Variants in IMMP2L observed in about 807,000 individuals in gnomAD.
IMMP2L encodes inner mitochondrial membrane peptidase subunit 2, also known as mitochondrial inner membrane protease subunit 2.
A neutral mutation model predicts 19.3 loss-of-function variants in IMMP2L; 18 were observed. That is an observed-to-expected ratio of 0.93 (90% CI 0.64 to 1.38). The LOEUF is 1.38. Ranked by LOEUF, IMMP2L falls within the 40% of genes most tolerant of loss-of-function variation. The probability of loss-of-function intolerance (pLI) is 0.00; values close to 1 mark genes in which losing one functional copy is unlikely to be tolerated. For synonymous variants in IMMP2L, 76 were observed against 73.0 expected, an observed-to-expected ratio of 1.04 and a Z score of -0.21; for missense variants, 233 against 218.2, an observed-to-expected ratio of 1.07 and a Z score of -0.43.
intron 3 of IMMP2L, among the ~76,000 whole-genome samples, chr7:111,139,908 C>A (rs1802710581): frequency 6.6e-6 from 1 of 152,106 alleles, no homozygotes; most frequent in African/African-American, 2.4e-5. Flanking sequence ...TGGCAACACT[C>A]TTCAAAAACT....
chr7:111,466,778 A>G (rs928842579), intron 3 of IMMP2L, among the ~76,000 whole-genome samples: 17 of 152,176 alleles, frequency 1.1e-4, no homozygotes, highest in African/African-American at 3.9e-4. Context: ...CTAAACATGT[A>G]CAGACATTTT....
intron 5 of IMMP2L, among the ~76,000 whole-genome samples, chr7:110,871,262 G>A (rs926417201): frequency 2.0e-5 from 3 of 152,196 alleles, no homozygotes; most frequent in African/African-American, 7.2e-5. Context: ...ATCCAAGTGT[G>A]ATACCATCTG....
At chr7:111,458,634 A>T (rs996580330) in intron 3 of IMMP2L, among the ~76,000 whole-genome samples, 1 of 151,618 alleles carries the variant, frequency 6.6e-6, no homozygotes, top group African/African-American at 2.4e-5. Flanking sequence ...TCTTTCTGTC[A>T]CTCTCTTCAA....
intron 3 of IMMP2L, among the ~76,000 whole-genome samples, chr7:111,033,470 T>G (rs1296063633): frequency 6.6e-6 from 1 of 152,210 alleles, no homozygotes; most frequent in African/African-American, 2.4e-5. Flanking sequence ...GTGCTCCTTG[T>G]TATTTATTCA....
Position 110,748,203 on chromosome 7 carries a change from C to A in IMMP2L, c.409-84482G>T, listed in dbSNP as rs560224964. Among the ~76,000 whole-genome samples, 5 of 152,154 alleles carry A rather than the reference C, an allele frequency of 3.3e-5. No individual in the cohort carries two copies. The South Asian group carries it at 8.3e-4, about 25-fold the overall frequency. On this transcript the variant is annotated intron_variant, in intron 5 of 5. Transcript: ENST00000405709. ...CCCAACTTATAATGGATGTGAAGGACCTCTTCAAGGAGAACTATAAACCAC... is the reference window on the plus strand; with the variant it reads ...CCCAACTTATAATGGATGTGAAGGAACTCTTCAAGGAGAACTATAAACCAC...
chr7:111,062,317 T>C (rs944614381), intron 3 of IMMP2L, among the ~76,000 whole-genome samples: 1 of 151,968 alleles, frequency 6.6e-6, no homozygotes, highest in Non-Finnish European at 1.5e-5. Flanking sequence ...ATTTCATGAG[T>C]CTCATTCATT....
chr7:110,848,941 G>A (rs775120342), intron 5 of IMMP2L, among the ~76,000 whole-genome samples: 1 of 152,076 alleles, frequency 6.6e-6, no homozygotes, highest in Non-Finnish European at 1.5e-5. Context: ...AAAAGTCAGA[G>A]CACAGGGATT....
chr7:111,115,753 C>T (rs1241789785), intron 3 of IMMP2L, among the ~76,000 whole-genome samples: 2 of 152,066 alleles, frequency 1.3e-5, no homozygotes, highest in East Asian at 1.9e-4. Flanking sequence ...CTGCAGCCAC[C>T]GCCTCCCAGG....
At chr7:111,218,429 C>T (rs1378423391) in intron 3 of IMMP2L, among the ~76,000 whole-genome samples, 1 of 151,100 alleles carries the variant, frequency 6.6e-6, no homozygotes, top group Non-Finnish European at 1.5e-5. Flanking sequence ...CAAGTGGAAA[C>T]TTTCACCATA....
At chr7:111,040,164 T>C (rs1206165022) in intron 3 of IMMP2L, among the ~76,000 whole-genome samples, 1 of 151,898 alleles carries the variant, frequency 6.6e-6, no homozygotes, top group Non-Finnish European at 1.5e-5. Flanking sequence ...ACCAAAACTC[T>C]GTCTCAAAAA....
At chr7:110,695,407 G>C (rs1793811827) in intron 5 of IMMP2L, among the ~76,000 whole-genome samples, 1 of 152,000 alleles carries the variant, frequency 6.6e-6, no homozygotes, top group African/African-American at 2.4e-5. Flanking sequence ...TCCCAGGCTA[G>C]TCTCGGACTC....
chr7:110,815,316 C>T (rs982199688), intron 5 of IMMP2L, among the ~76,000 whole-genome samples: 12 of 151,984 alleles, frequency 7.9e-5, no homozygotes, highest in African/African-American at 2.9e-4. Context: ...GGGATGAAGC[C>T]CACTTGATCA....
intron 3 of IMMP2L, among the ~76,000 whole-genome samples, chr7:111,128,277 A>T: frequency 6.6e-6 from 1 of 152,180 alleles, no homozygotes; most frequent in East Asian, 1.9e-4. Context: ...CTACTAGATT[A>T]TATTCTGGTT....
intron 5 of IMMP2L, among the ~76,000 whole-genome samples, chr7:110,875,821 T>C (rs191879782): frequency 7.2e-5 from 11 of 152,300 alleles, no homozygotes; most frequent in Non-Finnish European, 1.0e-4. Context: ...TTAATGACTA[T>C]TATTTTTATG....
intron 3 of IMMP2L, among the ~76,000 whole-genome samples, chr7:111,381,156 T>G (rs976579441): frequency 2.6e-5 from 4 of 151,910 alleles, no homozygotes; most frequent in African/African-American, 9.7e-5. Context: ...ATTAGTAGGG[T>G]GCAAAGTACA....
At chr7:110,910,781 G>C (rs1043338397) in intron 4 of IMMP2L, among the ~76,000 whole-genome samples, 1 of 152,110 alleles carries the variant, frequency 6.6e-6, no homozygotes, top group Non-Finnish European at 1.5e-5. Flanking sequence ...TGTGAGACCT[G>C]ATAATTCTCT....
At chr7:111,124,056 TC>T in intron 3 of IMMP2L, 1 of 1,614,066 alleles carries the variant, frequency 6.2e-7, no homozygotes, top group Non-Finnish European at 8.5e-7. Flanking sequence ...CTGAGAGCTT[TC>T]CTTCTAATCT....
chr7:111,099,380 A>G (rs866006566), intron 3 of IMMP2L, among the ~76,000 whole-genome samples: 8 of 151,764 alleles, frequency 5.3e-5, no homozygotes, highest in African/African-American at 9.7e-5. Context: ...AAATTCATCA[A>G]TCTTCTTCAG....
At chr7:111,482,266 A>ATTATGT (rs1842257550) in intron 3 of IMMP2L, among the ~76,000 whole-genome samples, 1 of 152,136 alleles carries the variant, frequency 6.6e-6, no homozygotes, top group African/African-American at 2.4e-5. Flanking sequence ...AATCTGTTTC[A>ATTATGT]TTATGTTAAA....
Sources: allele counts gnomAD v4.1 joint callset (sites outside exome capture counted in the v4.1 genomes callset), GRCh38; gene constraint gnomAD v4.1.1; transcripts MANE v1.5; gene names NCBI Gene and HGNC (gene_info 2026-07-23, HGNC 2026-07-21).